RALYL: variants seen among roughly 807,000 people sequenced by gnomAD.
The protein encoded by RALYL is RNA-binding Raly-like protein.
A neutral mutation model predicts 35.1 loss-of-function variants in RALYL; 29 were observed. That is an observed-to-expected ratio of 0.83 (90% confidence interval 0.61 to 1.13). RALYL has a LOEUF of 1.13. Among genes scored for constraint, RALYL ranks in the 50% most tolerant of loss-of-function variants. The probability of loss-of-function intolerance (pLI) is 0.00; values close to 1 mark genes in which losing one functional copy is unlikely to be tolerated. For missense variants in RALYL, 359 were observed against 360.4 expected (o/e 1.00, Z 0.03); for synonymous variants, 120 against 127.6 (o/e 0.94, Z 0.40).
At chr8:84,714,321 CAGG>C (rs757869340) in intron 2 of RALYL, among the ~76,000 whole-genome samples, 3 of 151,682 alleles carry the variant, frequency 2.0e-5, no homozygotes, top group Non-Finnish European at 4.4e-5. Flanking sequence ...GCAATACGTT[CAGG>C]AGATCTATTG....
chr8:84,730,722 G>A (rs1418082947), intron 2 of RALYL, among the ~76,000 whole-genome samples: 1 of 151,944 alleles, frequency 6.6e-6, no homozygotes, highest in Non-Finnish European at 1.5e-5. Context: ...GCAGCACCAT[G>A]GGACATAACA....
chr8:84,728,846 G>A (rs1192671166), intron 2 of RALYL, among the ~76,000 whole-genome samples: 2 of 152,054 alleles, frequency 1.3e-5, no homozygotes, highest in African/African-American at 2.4e-5. Flanking sequence ...CTCTGTTTTG[G>A]TACCAGTACC....
chr8:84,542,010 T>C (rs1343435374), intron 2 of RALYL, among the ~76,000 whole-genome samples: 1 of 152,138 alleles, frequency 6.6e-6, no homozygotes, highest in Non-Finnish European at 1.5e-5. Context: ...TTTGTTTTTT[T>C]AATTCTAATA....
intron 2 of RALYL, among the ~76,000 whole-genome samples, chr8:84,716,284 T>A (rs1388050471): frequency 1.3e-5 from 2 of 152,188 alleles, no homozygotes; most frequent in Non-Finnish European, 2.9e-5. Context: ...CAACTCACGT[T>A]TGTTTTAAGA....
intron 1 of RALYL, among the ~76,000 whole-genome samples, chr8:84,426,471 T>TGTGTGTGG (rs1554662545): frequency 4.7e-5 from 7 of 147,728 alleles, no homozygotes; most frequent in Non-Finnish European, 1.1e-4. Flanking sequence ...TGTGTGTGTG[T>TGTGTGTGG]GTGGGTTTAG....
At chr8:84,459,724 G>C (rs1464625047) in intron 1 of RALYL, among the ~76,000 whole-genome samples, 1 of 151,748 alleles carries the variant, frequency 6.6e-6, no homozygotes, top group African/African-American at 2.4e-5. Context: ...TCTCCAGTAA[G>C]TGAGAGAGAG....
intron 1 of RALYL, among the ~76,000 whole-genome samples, chr8:84,339,186 G>A (rs1848339451): frequency 6.6e-6 from 1 of 152,018 alleles, no homozygotes; most frequent in Admixed American, 6.6e-5. Flanking sequence ...GAACCACCAA[G>A]AGACTGCATG....
intron 1 of RALYL, among the ~76,000 whole-genome samples, chr8:84,325,024 T>C (rs1195783554): frequency 6.6e-6 from 1 of 152,158 alleles, no homozygotes; most frequent in Non-Finnish European, 1.5e-5. Context: ...TCCAGCCTTT[T>C]AATAATCTTT....
intron 8 of RALYL, among the ~76,000 whole-genome samples, chr8:84,916,184 C>G (rs1848441587): frequency 6.6e-6 from 1 of 151,982 alleles, no homozygotes; most frequent in Non-Finnish European, 1.5e-5. Flanking sequence ...AGAAACTTTT[C>G]CTATAAGTAT....
chr8:84,200,964 AT>A (rs372462217), intron 1 of RALYL, among the ~76,000 whole-genome samples: 2 of 152,116 alleles, frequency 1.3e-5, no homozygotes, highest in African/African-American at 4.8e-5. Context: ...ATGAAAATTC[AT>A]TTTTTTATCC....
intron 1 of RALYL, among the ~76,000 whole-genome samples, chr8:84,453,550 T>C (rs907378263): frequency 6.6e-6 from 1 of 151,938 alleles, no homozygotes; most frequent in Non-Finnish European, 1.5e-5. Flanking sequence ...TAAACACATA[T>C]AATTTACAAA....
chr8:84,912,507 T>C (rs1847676041), intron 8 of RALYL, among the ~76,000 whole-genome samples: 1 of 152,074 alleles, frequency 6.6e-6, no homozygotes, highest in South Asian at 2.1e-4. Context: ...ATATTCACAA[T>C]TCTTCTTTGT....
At chr8:84,387,803 C>CTTTTTTTTTTT (rs112006834) in intron 1 of RALYL, among the ~76,000 whole-genome samples, 2 of 135,522 alleles carry the variant, frequency 1.5e-5, no homozygotes, top group African/African-American at 2.7e-5. Context: ...TTCTTTCTTT[C>CTTTTTTTTTTT]TTTTTTTTTT....
intron 2 of RALYL, among the ~76,000 whole-genome samples, chr8:84,651,052 C>T (rs1003614455): frequency 6.6e-6 from 1 of 151,802 alleles, no homozygotes; most frequent in African/African-American, 2.4e-5. Context: ...AGGGGAACAT[C>T]ACACTCTGGG....
intron 6 of RALYL, chr8:84,872,801 A>T (rs142118014): frequency 6.6e-6 from 1 of 152,370 alleles, no homozygotes; most frequent in African/African-American, 2.4e-5. Context: ...CACATCTAAG[A>T]CATTTTCTTT....
chr8:84,577,195 A>T (rs1809668096), intron 2 of RALYL, among the ~76,000 whole-genome samples: 1 of 152,252 alleles, frequency 6.6e-6, no homozygotes, highest in African/African-American at 2.4e-5. Context: ...AGGGAAGGAA[A>T]CAGTCAATCT....
intron 4 of RALYL, among the ~76,000 whole-genome samples, chr8:84,815,916 C>T (rs1411045778): frequency 1.3e-5 from 2 of 150,892 alleles, no homozygotes; most frequent in Non-Finnish European, 2.9e-5. Flanking sequence ...CACCTGTAAT[C>T]CTAGCTACTC....
intron 2 of RALYL, among the ~76,000 whole-genome samples, chr8:84,661,942 G>GTT (rs201193434): frequency 1.4e-5 from 2 of 139,800 alleles, no homozygotes. Context: ...TTTTGTTACT[G>GTT]TTTTTTTTTT....
At chr8:84,630,761 G>T (rs866379383) in intron 2 of RALYL, among the ~76,000 whole-genome samples, 1 of 151,922 alleles carries the variant, frequency 6.6e-6, no homozygotes, top group Non-Finnish European at 1.5e-5. Flanking sequence ...TTGGAGAGTA[G>T]GTACTCCATA....
Sources: gnomAD v4.1 joint callset for allele counts (sites outside exome capture counted in the v4.1 genomes callset) on GRCh38, gnomAD v4.1.1 for gene constraint, MANE v1.5 for transcripts, NCBI Gene and HGNC (gene_info 2026-07-23, HGNC 2026-07-21) for gene names.